The following CREB1 variants were observed in gnomAD, a reference collection of about 807,000 sequenced individuals.
CREB1 encodes cyclic AMP-responsive element-binding protein 1.
CREB1 carries 2 observed loss-of-function variants against 42.0 expected under a neutral mutation model. The ratio of observed to expected loss-of-function variants is 0.05; its 90% CI spans 0.02 to 0.15. The LOEUF (loss-of-function observed/expected upper bound fraction) is 0.15, where lower values mean the gene tolerates loss of function less well. CREB1 is among the 10% of genes least tolerant of loss of function. CREB1 has a pLI of 1.00. For missense variants in CREB1, 199 were observed against 388.9 expected, an observed-to-expected ratio of 0.51 and a Z score of 4.11; for synonymous variants, 123 against 139.9, an observed-to-expected ratio of 0.88 and a Z score of 0.85.
chr2:207,548,114 G>T (rs1391889602), intron 1 of CREB1, among the ~76,000 whole-genome samples: 2 of 151,962 alleles, frequency 1.3e-5, no homozygotes, highest in African/African-American at 2.4e-5. Flanking sequence ...TGTATTTTTA[G>T]TAGAGACGGG....
chr2:207,542,642 A>G (rs762168264), intron 1 of CREB1, among the ~76,000 whole-genome samples: 2 of 152,168 alleles, frequency 1.3e-5, no homozygotes, highest in Admixed American at 1.3e-4. Context: ...TTGAAGCACA[A>G]AAGTTTTTAA....
intron 7 of CREB1, chr2:207,581,818 G>A (rs1455591348): frequency 2.3e-5 from 16 of 699,594 alleles, no homozygotes; most frequent in East Asian, 5.4e-5. Flanking sequence ...GTACCATATC[G>A]CATTTAATTA....
intron 1 of CREB1, among the ~76,000 whole-genome samples, chr2:207,542,896 G>A (rs957482826): frequency 6.6e-6 from 1 of 152,180 alleles, no homozygotes; most frequent in African/African-American, 2.4e-5. Flanking sequence ...CCTTCAGTTT[G>A]TAGTGACAGA....
At chr2:207,555,099 G>T (rs988993223) in intron 1 of CREB1, among the ~76,000 whole-genome samples, 1 of 152,046 alleles carries the variant, frequency 6.6e-6, no homozygotes, top group Non-Finnish European at 1.5e-5. Flanking sequence ...GGCTTGAAAC[G>T]GGCTGATTTT....
chr2:207,560,835 AG>A (rs2081931292), intron 3 of CREB1, among the ~76,000 whole-genome samples: 1 of 152,214 alleles, frequency 6.6e-6, no homozygotes, highest in Non-Finnish European at 1.5e-5. Context: ...TAGGGTTTTC[AG>A]TTACAGTGTG....
chr2:207,545,498 C>CGCCT lies in CREB1; in HGVS notation c.-8-10128_-8-10125dup, dbSNP rs2081268671. Among the ~76,000 whole-genome samples, 5 of 152,198 alleles carry CGCCT rather than the reference C, an allele frequency of 3.3e-5. No homozygotes were observed. In the South Asian group the frequency reaches 1.0e-3, roughly 32 times the overall value. ...CTGGGATTACAGACGTGAGCCACTC[C>CGCCT]GCCTGGCCTAATTCCAGAGAAAGGT... On this transcript the variant is annotated intron_variant, in intron 1 of 7. Coordinates refer to ENST00000353267, the MANE Select transcript of CREB1 (RefSeq NM_004379.5).
intron 7 of CREB1, among the ~76,000 whole-genome samples, chr2:207,585,302 G>A (rs983173793): frequency 1.3e-5 from 2 of 152,174 alleles, no homozygotes; most frequent in Non-Finnish European, 2.9e-5. Flanking sequence ...AATCATAGAT[G>A]CCATGAGAGA....
chr2:207,544,413 A>C (rs1319652160), intron 1 of CREB1, among the ~76,000 whole-genome samples: 1 of 152,202 alleles, frequency 6.6e-6, no homozygotes, highest in African/African-American at 2.4e-5. Context: ...TTATGGTTTT[A>C]AATTACTGAT....
intron 1 of CREB1, among the ~76,000 whole-genome samples, chr2:207,546,343 T>C (rs367572508): frequency 6.6e-6 from 1 of 152,144 alleles, no homozygotes; most frequent in Non-Finnish European, 1.5e-5. Flanking sequence ...CAAAACACAC[T>C]GTATGATACT....
intron 3 of CREB1, among the ~76,000 whole-genome samples, chr2:207,561,973 A>T (rs545048890): frequency 7.9e-5 from 12 of 152,334 alleles, no homozygotes; most frequent in African/African-American, 2.4e-4. Flanking sequence ...TGAAATCATC[A>T]GTTGGATCAA....
chr2:207,562,308 C>T (rs184112097), intron 3 of CREB1, among the ~76,000 whole-genome samples: 47 of 152,158 alleles, frequency 3.1e-4, no homozygotes, highest in Admixed American at 4.6e-4. Context: ...GAAGATCTTT[C>T]TATAAAGAAC....
At chr2:207,549,304 A>G (rs1205235814) in intron 1 of CREB1, among the ~76,000 whole-genome samples, 2 of 152,192 alleles carry the variant, frequency 1.3e-5, no homozygotes, top group South Asian at 4.1e-4. Context: ...ATAGACTATT[A>G]TTAGCATCAG....
At chr2:207,538,774 C>T (rs972714284) in intron 1 of CREB1, among the ~76,000 whole-genome samples, 1 of 152,160 alleles carries the variant, frequency 6.6e-6, no homozygotes, top group Non-Finnish European at 1.5e-5. Flanking sequence ...AAGGTTAGTG[C>T]ATCTTCTCTG....
chr2:207,587,096 T>C (rs888402625), intron 7 of CREB1, among the ~76,000 whole-genome samples: 3 of 152,162 alleles, frequency 2.0e-5, no homozygotes, highest in African/African-American at 7.2e-5. Flanking sequence ...TGGAGGTTTC[T>C]CAAAAAAACT....
chr2:207,546,294 G>A lies in CREB1; in HGVS notation c.-8-9334G>A, dbSNP rs551787550. On this transcript the variant is annotated intron_variant, in intron 1 of 7. Transcript: ENST00000353267. ...TTCAAGATTAAAGATGAAGATGCCC[G>A]AACTTGAAGCAAGTCTTTTATCAAA... is the stretch of plus-strand genomic sequence containing the variant. Among the ~76,000 whole-genome samples, 7 of 152,272 alleles carry A rather than the reference G, an allele frequency of 4.6e-5. No homozygotes were observed. The South Asian group carries it at 8.3e-4, about 18-fold the overall frequency.
intron 5 of CREB1, 112 bp from the exon 6 acceptor site, chr2:207,575,160 A>T (rs892893084): frequency 2.7e-6 from 3 of 1,113,962 alleles, no homozygotes; most frequent in Non-Finnish European, 3.8e-6. Context: ...TGGTGATGTT[A>T]TTTGCTGTAA....
chr2:207,537,250 G>A (rs1004967731), intron 1 of CREB1, among the ~76,000 whole-genome samples: 6 of 151,996 alleles, frequency 3.9e-5, no homozygotes, highest in South Asian at 2.1e-4. Flanking sequence ...TGTTGGCCAG[G>A]ATGGTCTCGA....
chr2:207,541,076 C>G (rs1467149036), intron 1 of CREB1, among the ~76,000 whole-genome samples: 3 of 152,040 alleles, frequency 2.0e-5, no homozygotes, highest in Non-Finnish European at 4.4e-5. Context: ...AAAAATTAGC[C>G]AGGTGTGGTG....
At chr2:207,567,177 G>C (rs2082170367) in intron 3 of CREB1, among the ~76,000 whole-genome samples, 2 of 151,972 alleles carry the variant, frequency 1.3e-5, no homozygotes. Flanking sequence ...TGTTCCAACA[G>C]ATGTAAGAAA....
Sources: gnomAD v4.1 joint callset for allele counts (sites outside exome capture counted in the v4.1 genomes callset) on GRCh38, gnomAD v4.1.1 for gene constraint, MANE v1.5 for transcripts, NCBI Gene and HGNC (gene_info 2026-07-23, HGNC 2026-07-21) for gene names.